ITGA11: variants seen among roughly 807,000 people sequenced by gnomAD.
The protein encoded by ITGA11 is integrin subunit alpha 11.
Under a neutral mutation model 141.9 loss-of-function variants are expected in ITGA11, and 97 were observed. The ratio of observed to expected loss-of-function variants is 0.68; its 90% CI spans 0.58 to 0.81. ITGA11 has a LOEUF of 0.81. Among genes scored for constraint, ITGA11 ranks in the 30% least tolerant of loss-of-function variants. The pLI is 0.00. For synonymous variants in ITGA11, 658 were observed against 624.6 expected (o/e 1.05, Z -0.80); for missense variants, 1,387 against 1,559.2 (o/e 0.89, Z 1.86).
Position 68,297,502 on chromosome 15 carries a change from A to T in ITGA11, c.*5557T>A, listed in dbSNP as rs1892935128. ...TTAGGTAAATCATACACCTGTATCC[A>T]GAGTTTTGTTTTGTTTTTTTTTTTA... On this transcript the variant is annotated 3_prime_UTR_variant, in exon 30 of 30. Coordinates refer to ENST00000315757, the MANE Select transcript of ITGA11 (RefSeq NM_001004439.2). 7.5e-6 allele frequency: 1 copy of T among 133,794 alleles called. No individual in the cohort carries two copies. The highest frequency in any genetic ancestry group is 1.6e-5 in the Non-Finnish European group (1 of 63,802). 8.3% of individuals were successfully genotyped at this position (133,794 alleles called of 1,614,324 possible).
intron 3 of ITGA11, chr15:68,365,453 CAT>C (rs1030405683): frequency 5.8e-6 from 3 of 515,054 alleles, no homozygotes; most frequent in Non-Finnish European, 7.5e-6. Context: ...AGATTAGAAT[CAT>C]AAAAAAATTG....
At position 68,304,789 on chromosome 15, in the gene ITGA11, T is replaced by C. The variant is rs7174755; in HGVS notation, c.3382-904A>G. 0.35 allele frequency among the ~76,000 whole-genome samples: 53,179 copies of C among 152,038 alleles called. 10,051 individuals carry two copies. The highest frequency in any genetic ancestry group is 0.46 in the African/African-American group (18,935 of 41,450). On this transcript the variant is annotated intron_variant, in intron 28 of 29. Coordinates refer to ENST00000315757, the MANE Select transcript of ITGA11 (RefSeq NM_001004439.2). This position sits in a 1 kb window ranked among gnomAD's most constrained non-coding sequence, Gnocchi z 6.1. ...TCCGCGCTGCTCAGGCCAGAAGCCA[T>C]GTATCCATCACTGACCCTAACTCTC... is the stretch of plus-strand genomic sequence containing the variant.
intron 23 of ITGA11, among the ~76,000 whole-genome samples, chr15:68,313,546 C>A (rs2140275975): frequency 6.6e-6 from 1 of 152,308 alleles, no homozygotes. Context: ...CTGCTGGGAG[C>A]TCCCCAGGGC....
At chr15:68,428,307 A>G (rs763497350) in intron 1 of ITGA11, among the ~76,000 whole-genome samples, 3 of 152,090 alleles carry the variant, frequency 2.0e-5, no homozygotes, top group African/African-American at 4.8e-5. Context: ...CTGTTAGAAG[A>G]AGGAAGAGCT....
rs1567129527 is a variant in ITGA11, at chr15:68,325,682, C to T, written c.2212-441G>A. Among the ~76,000 whole-genome samples the T allele has an allele frequency of 3.9e-5, 6 of 152,346 alleles. No homozygotes were observed. The South Asian group carries it at 1.2e-3, about 32-fold the overall frequency. ...AAGCAAGGAATAGGCCTGGAGCCTC[C>T]CAGCATGGCCCTAGCACTGTGATAA... On this transcript the variant is annotated intron_variant, in intron 17 of 29. Transcript: ENST00000315757. This position sits in a 1 kb window ranked among gnomAD's most constrained non-coding sequence, Gnocchi z 5.5.
chr15:68,428,281 C>T (rs369832235), intron 1 of ITGA11, among the ~76,000 whole-genome samples: 2 of 152,146 alleles, frequency 1.3e-5, no homozygotes, highest in African/African-American at 4.8e-5. Context: ...AGGGAGAATG[C>T]AAGGGAAGGT....
chr15:68,396,093 A>T (rs913794565), intron 2 of ITGA11, among the ~76,000 whole-genome samples: 1 of 152,066 alleles, frequency 6.6e-6, no homozygotes. Flanking sequence ...TCCAAAAAGA[A>T]AATTTACAGG....
rs1385016912 is a variant in ITGA11, at chr15:68,335,684, C to T, written c.1425+13G>A. 1.2e-6 allele frequency: 2 copies of T among 1,612,920 alleles called. No homozygotes were observed. Among genetic ancestry groups the T allele is most frequent in the Non-Finnish European group, 1.7e-6 (2 of 1,179,406 alleles). ...CTTCCCTCCATCCCGGCCCCAGGCT[C>T]CCCCTCCATTACCTGCTGGCCCCGC... On this transcript the variant is annotated intron_variant, in intron 12 of 29. Transcript: ENST00000315757. The surrounding 1 kb of genome is among the most constrained non-coding windows in gnomAD (Gnocchi z 4.9).
At chr15:68,383,290 A>G (rs1895907282) in intron 2 of ITGA11, among the ~76,000 whole-genome samples, 1 of 152,108 alleles carries the variant, frequency 6.6e-6, no homozygotes, top group Non-Finnish European at 1.5e-5. Flanking sequence ...AAAAAAAAAA[A>G]AAGAGAAATC....
chr15:68,402,473 G>C (rs1896534734), intron 2 of ITGA11, among the ~76,000 whole-genome samples: 1 of 151,996 alleles, frequency 6.6e-6, no homozygotes. Context: ...AGGGCTCTTG[G>C]GGATCTTTCC....
At chr15:68,348,658 T>G (rs1484616090) in intron 10 of ITGA11, among the ~76,000 whole-genome samples, 172 bp downstream of exon 10, 1 of 152,142 alleles carries the variant, frequency 6.6e-6, no homozygotes, top group Non-Finnish European at 1.5e-5. Flanking sequence ...TCGACTCCCC[T>G]CTTCCAGCCC....
intron 10 of ITGA11, among the ~76,000 whole-genome samples, chr15:68,347,824 G>A (rs1894785874): frequency 6.6e-6 from 1 of 152,176 alleles, no homozygotes; most frequent in African/African-American, 2.4e-5. Flanking sequence ...GCAACAGGAT[G>A]ACAGTGACAT....
chr15:68,325,068 G>T lies in ITGA11; in HGVS notation c.2322+63C>A. On this transcript the variant is annotated intron_variant, in intron 18 of 29. Coordinates refer to ENST00000315757, the MANE Select transcript of ITGA11 (RefSeq NM_001004439.2). The surrounding 1 kb of genome is among the most constrained non-coding windows in gnomAD (Gnocchi z 5.5). ...CGGCACACTCAGGCTCTGGGCTTTG[G>T]GGTTGAGGTGGAGGTGGGGGTGGGG... is the stretch of plus-strand genomic sequence containing the variant. 8.4e-7 allele frequency: 1 copy of T among 1,183,946 alleles called. No individual in the cohort carries two copies. Among genetic ancestry groups the T allele is most frequent in the Non-Finnish European group, 1.3e-6 (1 of 787,946 alleles). The allele number at this position is 1,183,946 out of a possible 1,614,324, so 73.3% of individuals were successfully genotyped here.
intron 5 of ITGA11, among the ~76,000 whole-genome samples, 192 bp downstream of exon 5, chr15:68,361,398 G>C (rs1445449460): frequency 6.6e-6 from 1 of 152,166 alleles, no homozygotes; most frequent in East Asian, 1.9e-4. Flanking sequence ...CTTGGGAGAG[G>C]GAGGCCAGGA....
intron 1 of ITGA11, among the ~76,000 whole-genome samples, chr15:68,427,012 CAAAAAAAAAAAAAA>C (rs148867034): frequency 1.7e-4 from 8 of 47,830 alleles, no homozygotes; most frequent in East Asian, 7.9e-4. Flanking sequence ...AAGACTGTCT[CAAAAAAAAAAAAAA>C]AAAAAAAAAA....
intron 2 of ITGA11, among the ~76,000 whole-genome samples, chr15:68,381,503 A>G (rs529746624): frequency 1.3e-5 from 2 of 152,280 alleles, no homozygotes; most frequent in South Asian, 4.1e-4. Context: ...ATTGCGCTAC[A>G]GGTATCCCTG....
intron 1 of ITGA11, among the ~76,000 whole-genome samples, chr15:68,424,530 G>A (rs542923920): frequency 6.6e-5 from 10 of 152,256 alleles, no homozygotes; most frequent in African/African-American, 2.4e-4. Flanking sequence ...GGTGGGGTCT[G>A]CACGACAGTT....
intron 4 of ITGA11, 30 bp downstream of exon 4, chr15:68,364,677 T>C: frequency 2.5e-6 from 2 of 799,258 alleles, no homozygotes; most frequent in Non-Finnish European, 4.0e-6. Context: ...CTGCCTCTCC[T>C]GACCCCAAGC....
intron 1 of ITGA11, among the ~76,000 whole-genome samples, chr15:68,406,573 T>C (rs1333085401): frequency 6.6e-6 from 1 of 152,200 alleles, no homozygotes; most frequent in Admixed American, 6.5e-5. Context: ...CTGTGCTCCA[T>C]TTTTCCTCAT....
Sources: gnomAD v4.1 joint callset for allele counts (sites outside exome capture counted in the v4.1 genomes callset) on GRCh38, gnomAD v4.1.1 for gene constraint, Gnocchi (gnomAD v3.1) non-coding constraint, MANE v1.5 for transcripts, NCBI Gene and HGNC (gene_info 2026-07-23, HGNC 2026-07-21) for gene names.